The following KLF13 variants were observed in gnomAD, a reference collection of about 807,000 sequenced individuals.
KLF13 encodes Krueppel-like factor 13.
Under a neutral mutation model 16.7 loss-of-function variants are expected in KLF13, and 8 were observed. That is an observed-to-expected ratio of 0.48 (90% CI 0.28 to 0.87). The LOEUF is 0.87. Ranked by LOEUF, KLF13 falls within the 40% of genes least tolerant of loss-of-function variation. KLF13 has a pLI of 0.10. For synonymous variants in KLF13, 245 were observed against 208.4 expected, an observed-to-expected ratio of 1.18 and a Z score of -1.51; for missense variants, 447 against 452.2, an observed-to-expected ratio of 0.99 and a Z score of 0.10.
upstream of KLF13, among the ~76,000 whole-genome samples, chr15:31,391,781 T>C (rs897548936): frequency 2.0e-5 from 3 of 151,932 alleles, no homozygotes; most frequent in African/African-American, 7.2e-5. Flanking sequence ...TCAGGAGCCC[T>C]CGAGGAGTCC....
intron 1 of KLF13, among the ~76,000 whole-genome samples, chr15:31,346,325 A>C (rs1261124287): frequency 6.6e-6 from 1 of 152,216 alleles, no homozygotes; most frequent in Non-Finnish European, 1.5e-5. Flanking sequence ...CCCTGGCCAC[A>C]GGCCTGAGCT....
intron 1 of KLF13, chr15:31,420,531 T>G: frequency 5.4e-6 from 3 of 559,358 alleles, no homozygotes; most frequent in Non-Finnish European, 1.0e-5. Context: ...CTGGTCTCCA[T>G]CCAGAGCCTG....
At chr15:31,370,106 T>A (rs993918874) in intron 1 of KLF13, among the ~76,000 whole-genome samples, 1 of 151,554 alleles carries the variant, frequency 6.6e-6, no homozygotes, top group Non-Finnish European at 1.5e-5. Flanking sequence ...CTTTTGTAAT[T>A]TCTTCTCCAT....
intron 2 of KLF13, among the ~76,000 whole-genome samples, chr15:31,398,521 G>A (rs754053020): frequency 1.1e-4 from 16 of 152,252 alleles, no homozygotes; most frequent in Middle Eastern, 6.8e-3. Context: ...GGCATGCTCG[G>A]TGCTGCTGCC....
At chr15:31,393,469 G>A (rs1317300518) in intron 1 of KLF13, 1 of 151,102 alleles carries the variant, frequency 6.6e-6, no homozygotes, top group African/African-American at 2.4e-5. Flanking sequence ...ACCCGCCAGG[G>A]GGTTTCAGAG....
chr15:31,413,195 A>AACC (rs1566843661), intron 1 of KLF13, among the ~76,000 whole-genome samples: 1 of 137,292 alleles, frequency 7.3e-6, no homozygotes, highest in African/African-American at 2.5e-5. Context: ...GACAAAAAAA[A>AACC]AAAAAAACAA....
chr15:31,345,091 G>T (rs1222447242), intron 1 of KLF13, among the ~76,000 whole-genome samples: 1 of 152,234 alleles, frequency 6.6e-6, no homozygotes, highest in Admixed American at 6.5e-5. Flanking sequence ...CTTTGAGCAG[G>T]TGGGGGTTGG....
intron 1 of KLF13, among the ~76,000 whole-genome samples, chr15:31,353,328 G>A (rs1475830952): frequency 6.6e-6 from 1 of 152,196 alleles, no homozygotes; most frequent in East Asian, 1.9e-4. Flanking sequence ...CCTGTCCCAG[G>A]CGTTCTGTAA....
In KLF13 at chr15:31,411,375, T is replaced by C. The variant is rs537426158; in HGVS notation, n.117+17684T>C. 2.0e-5 allele frequency among the ~76,000 whole-genome samples: 3 copies of C among 151,838 alleles called. No individual in the cohort carries two copies. In the East Asian group the frequency reaches 5.8e-4, roughly 29 times the overall value. ...CATTCGAAATTCAATCAATGTAACT[T>C]ACCATACCAACACATTTTTTTTTTC... On this transcript the variant is annotated intron_variant and non_coding_transcript_variant, in intron 1 of 1. Transcript: ENST00000558225.
chr15:31,360,559 G>A (rs932748362), intron 1 of KLF13, among the ~76,000 whole-genome samples: 3 of 152,184 alleles, frequency 2.0e-5, no homozygotes, highest in African/African-American at 7.2e-5. Flanking sequence ...GGGCAAGACC[G>A]AGAGCCCCTG....
In KLF13 at chr15:31,372,283, C is replaced by T; in HGVS notation, c.851C>T (p.Pro284Leu). The T allele has an allele frequency of 6.7e-7, 1 of 1,481,894 alleles. No homozygotes were observed. Among genetic ancestry groups the T allele is most frequent in the Non-Finnish European group, 8.9e-7 (1 of 1,119,258 alleles). 91.8% of individuals were successfully genotyped at this position (1,481,894 alleles called of 1,614,324 possible). A position where few individuals can be genotyped will look rare whatever the true frequency, so the allele number is the denominator to read the frequency against. ...GACGCCAGCAGCCCCACCATCAGCC[C>T]GGCCAGCTCGCCCTGAGCCCGCCAC... ...RSDASSPTISPASSP is the reference protein window; with the variant it reads ...RSDASSPTISLASSP The change falls in exon 2 of 2, where the codon CCG (proline) becomes CTG (leucine). Residue 284 changes from proline to leucine, a missense_variant. Pro to Leu is a moderately conservative substitution (Grantham distance 98, BLOSUM62 -3). Around this residue, in one of 2 missense-constraint regions of KLF13, gnomAD observed 88 missense variants for 169.5 expected, o/e 0.52. Coordinates refer to ENST00000307145, the MANE Select transcript of KLF13 (RefSeq NM_015995.4).
chr15:31,382,214 C>T (rs372107645), downstream of KLF13, among the ~76,000 whole-genome samples: 11 of 152,354 alleles, frequency 7.2e-5, no homozygotes, highest in East Asian at 1.2e-3. Flanking sequence ...CCACATTGCA[C>T]TCCCTGTCCC....
At chr15:31,412,423 A>G (rs2040206275) in intron 1 of KLF13, among the ~76,000 whole-genome samples, 1 of 152,144 alleles carries the variant, frequency 6.6e-6, no homozygotes, top group African/African-American at 2.4e-5. Flanking sequence ...ATTTGCCTCT[A>G]GTAACAGATG....
chr15:31,327,956 C>A (rs1051313291), intron 1 of KLF13, among the ~76,000 whole-genome samples, 167 bp downstream of exon 1: 3 of 147,700 alleles, frequency 2.0e-5, no homozygotes, highest in African/African-American at 7.3e-5. Context: ...TGGCCCCGCG[C>A]GTCGCGCGAG....
In KLF13 at chr15:31,361,461, C is replaced by A. The variant is rs893576339; in HGVS notation, c.578-10549C>A. ...CAGGCCAAAAGTAAAAGCTGCACCC[C>A]TGTAAAGAGTGTACATGCAGCTGTT... is the stretch of plus-strand genomic sequence containing the variant. On this transcript the variant is annotated intron_variant, in intron 1 of 1. Coordinates refer to ENST00000307145, the MANE Select transcript of KLF13 (RefSeq NM_015995.4). Among the ~76,000 whole-genome samples the A allele has an allele frequency of 3.3e-5, 5 of 152,280 alleles. No individual in the cohort carries two copies. In the South Asian group the frequency reaches 8.3e-4, roughly 25 times the overall value.
rs148823697 is a variant in KLF13, at chr15:31,345,568, A to G, written c.577+17779A>G. 8.0e-3 allele frequency among the ~76,000 whole-genome samples: 1,211 copies of G among 152,308 alleles called. 11 individuals are homozygous for G. Among genetic ancestry groups the G allele is most frequent in the Non-Finnish European group, 0.013 (911 of 68,012 alleles). On this transcript the variant is annotated intron_variant, in intron 1 of 1. Coordinates refer to ENST00000307145, the MANE Select transcript of KLF13 (RefSeq NM_015995.4). ...GGTCCCATCCTGAAACTGACAGGAA[A>G]TCTGTGAGTATGAGGGTGGGACGGA... is the stretch of plus-strand genomic sequence containing the variant.
Position 31,327,203 on chromosome 15 carries a change from A to C in KLF13, c.-10A>C. The C allele has an allele frequency of 8.1e-7, 1 of 1,229,742 alleles. No individual in the cohort carries two copies. The highest frequency in any genetic ancestry group is 1.0e-6 in the Non-Finnish European group (1 of 979,904). The allele number at this position is 1,229,742 out of a possible 1,614,324, so 76.2% of individuals were successfully genotyped here. On this transcript the variant is annotated 5_prime_UTR_variant, in exon 1 of 2. Coordinates refer to ENST00000307145, the MANE Select transcript of KLF13 (RefSeq NM_015995.4). ...CAGCAAGAGCACCGCCGCCGGCCCC[A>C]GCCCGCAGCATGGCAGCCGCCGCCT... is the stretch of plus-strand genomic sequence containing the variant.
chr15:31,357,213 A>G (rs4779866), intron 1 of KLF13, among the ~76,000 whole-genome samples: 152,342 of 152,342 alleles, frequency 1, 76,171 homozygotes, highest in Non-Finnish European at 1. Context: ...TTTTAAAGGC[A>G]CATGCGGTTC....
At chr15:31,383,165 C>T (rs1325520636) in intron 1 of KLF13, among the ~76,000 whole-genome samples, 2 of 152,246 alleles carry the variant, frequency 1.3e-5, no homozygotes, top group South Asian at 4.1e-4. Context: ...CATGCTTACC[C>T]TGATGAACAC....
Sources: gnomAD v4.1 joint callset for allele counts (sites outside exome capture counted in the v4.1 genomes callset) on GRCh38, gnomAD v4.1.1 for gene constraint, gnomAD v4.1.1 regional missense constraint, MANE v1.5 for transcripts, NCBI Gene and HGNC (gene_info 2026-07-23, HGNC 2026-07-21) for gene names.